The following PTRH1 variants were observed in gnomAD, a reference collection of about 807,000 sequenced individuals.
PTRH1 encodes the protein peptidyl-tRNA hydrolase.
A neutral mutation model predicts 15.7 loss-of-function variants in PTRH1; 13 were observed. The ratio of observed to expected loss-of-function variants is 0.83; its 90% CI spans 0.54 to 1.31. PTRH1 has a LOEUF of 1.31. PTRH1 is among the 40% of genes most tolerant of loss of function. The probability of loss-of-function intolerance (pLI) is 0.00; values close to 1 mark genes in which losing one functional copy is unlikely to be tolerated. For missense variants in PTRH1, 319 were observed against 296.2 expected (o/e 1.08, Z -0.56); for synonymous variants, 139 against 136.7 (o/e 1.02, Z -0.12).
chr9:127,715,139 G>A lies in PTRH1; in HGVS notation c.152C>T (p.Ala51Val), dbSNP rs1030673291. Residue 51 changes from alanine to valine, a missense_variant, in exon 2 of 5, where the codon GCG becomes GTG. Physicochemically the swap from Ala to Val is moderately conservative, Grantham distance 64. Transcript: ENST00000543175. The surrounding 1 kb of genome is among the most constrained non-coding windows in gnomAD (Gnocchi z 5.8). ...CCGCCGCGCCAGCTGCCCCAGCACC[G>A]CCATGCCCACGCTGTGTCGCGTGCC... ...LPGTRHSVGM[A>V]VLGQLARRLG... is the part of the protein sequence containing the mutation. 4.6e-6 allele frequency: 7 copies of A among 1,537,394 alleles called. No individual in the cohort carries two copies. Among genetic ancestry groups the A allele is most frequent in the Admixed American group, 1.9e-5 (1 of 51,784 alleles).
chr9:127,702,113 C>T (rs1359532667), intron 1 of PTRH1, among the ~76,000 whole-genome samples: 1 of 151,962 alleles, frequency 6.6e-6, no homozygotes, highest in East Asian at 1.9e-4. Flanking sequence ...GTGGCTCATG[C>T]CTGTAATCCC....
intron 2 of PTRH1, chr9:127,694,792 T>G: frequency 3.4e-6 from 2 of 588,396 alleles, no homozygotes; most frequent in Non-Finnish European, 6.1e-6. Context: ...TTGGGTTGTT[T>G]GGAATTCCCT....
chr9:127,712,746 C>T (rs755971447), downstream of PTRH1: 22 of 1,614,188 alleles, frequency 1.4e-5, no homozygotes, highest in Non-Finnish European at 1.7e-5. Flanking sequence ...GTTGACGTGA[C>T]GTTCCAGCCA....
At chr9:127,712,075 C>A, downstream of PTRH1, 1 of 1,506,068 alleles carries the variant, frequency 6.6e-7, no homozygotes, top group South Asian at 1.3e-5. Context: ...GCCAGACAGG[C>A]TGAGGCTTGG....
exon 2 of PTRH1, chr9:127,695,060 T>TGAC: frequency 4.6e-6 from 3 of 647,066 alleles, no homozygotes; most frequent in Non-Finnish European, 8.6e-6. Context: ...CCATTGATGA[T>TGAC]GATGATGATG....
chr9:127,710,848 G>A (rs1016167511), downstream of PTRH1: 2 of 1,405,952 alleles, frequency 1.4e-6, no homozygotes, highest in African/African-American at 1.4e-5. Context: ...TAACTGGGGG[G>A]TTAGATGGGG....
chr9:127,712,236 C>G (rs1842782796), downstream of PTRH1: 2 of 1,614,030 alleles, frequency 1.2e-6, no homozygotes, highest in South Asian at 2.2e-5. Flanking sequence ...GCTGGAGCAG[C>G]AGCAGGTGGA....
At chr9:127,694,334 T>C (rs1461895165) in intron 2 of PTRH1, among the ~76,000 whole-genome samples, 1 of 152,162 alleles carries the variant, frequency 6.6e-6, no homozygotes, top group African/African-American at 2.4e-5. Context: ...CAAATTTACA[T>C]TAAAGCAAAA....
downstream of PTRH1, chr9:127,711,195 G>A (rs771099725): frequency 3.7e-6 from 6 of 1,606,344 alleles, no homozygotes; most frequent in South Asian, 1.1e-5. Context: ...TGCCCGCTCT[G>A]TCTGACCCCT....
chr9:127,715,649 A>AT lies in PTRH1; in HGVS notation c.-11dup. 1 of 1,609,986 alleles carries AT rather than the reference A, an allele frequency of 6.2e-7. No homozygotes were observed. Among genetic ancestry groups the AT allele is most frequent in the Non-Finnish European group, 8.5e-7 (1 of 1,179,380 alleles). On this transcript the variant is annotated 5_prime_UTR_variant, in exon 1 of 5. The change creates a new upstream start codon in the 5' untranslated region. Transcript: ENST00000543175. This position sits in a 1 kb window ranked among gnomAD's most constrained non-coding sequence, Gnocchi z 5.8. ...AGCCGCCCGGCCTCATGCTGCCCCC[A>AT]TTCACTCCGACACCGCCCCCTGACG...
chr9:127,713,238 G>A (rs1842810623), downstream of PTRH1: 2 of 1,487,520 alleles, frequency 1.3e-6, no homozygotes, highest in Non-Finnish European at 1.8e-6. Context: ...GGGAAAGCAA[G>A]GTGGCAGCTA....
At chr9:127,712,529 C>A, downstream of PTRH1, 1 of 1,497,470 alleles carries the variant, frequency 6.7e-7, no homozygotes, top group Non-Finnish European at 9.0e-7. Flanking sequence ...CTTAAAGGAG[C>A]TGGATTCCTT....
intron 1 of PTRH1, among the ~76,000 whole-genome samples, chr9:127,696,689 G>A (rs983291789): frequency 6.6e-6 from 1 of 151,944 alleles, no homozygotes; most frequent in Non-Finnish European, 1.5e-5. Context: ...GTGAAACCCC[G>A]TCTCTACTAA....
At chr9:127,710,030 TAGG>T (rs1842727502), downstream of PTRH1, among the ~76,000 whole-genome samples, 1 of 152,156 alleles carries the variant, frequency 6.6e-6, no homozygotes, top group African/African-American at 2.4e-5. Flanking sequence ...CCCTGTGCTT[TAGG>T]AGGCCAAGGC....
At chr9:127,707,253 C>G in intron 1 of PTRH1, 1 of 1,573,964 alleles carries the variant, frequency 6.4e-7, no homozygotes, top group East Asian at 2.2e-5. Context: ...CCCAGGTGGC[C>G]CCCATGCAGG....
At chr9:127,709,603 GAGA>G, downstream of PTRH1, 1 of 1,614,022 alleles carries the variant, frequency 6.2e-7, no homozygotes, top group Non-Finnish European at 8.5e-7. The surrounding 1 kb of genome is among the most constrained non-coding windows in gnomAD (Gnocchi z 4.7). Flanking sequence ...CAAAGAGATG[GAGA>G]AGGATGCCTT....
upstream of PTRH1, chr9:127,715,669 C>T (rs1842959943): frequency 6.2e-7 from 1 of 1,603,438 alleles, no homozygotes; most frequent in Non-Finnish European, 8.5e-7. This position sits in a 1 kb window ranked among gnomAD's most constrained non-coding sequence, Gnocchi z 5.8. Flanking sequence ...ACACCGCCCC[C>T]TGACGTCATC....
downstream of PTRH1, chr9:127,711,244 C>A (rs755719395): frequency 1.9e-6 from 3 of 1,613,868 alleles, no homozygotes; most frequent in Non-Finnish European, 2.5e-6. Flanking sequence ...GGAAAGAGAT[C>A]ATCCAGCGCG....
At chr9:127,702,984 G>A (rs1046631045) in intron 1 of PTRH1, among the ~76,000 whole-genome samples, 3 of 150,964 alleles carry the variant, frequency 2.0e-5, no homozygotes, top group African/African-American at 4.9e-5. Flanking sequence ...GCCTCCCAAA[G>A]TGCTGGGATT....
Sources: allele counts gnomAD v4.1 joint callset (sites outside exome capture counted in the v4.1 genomes callset), GRCh38; gene constraint gnomAD v4.1.1; non-coding constraint Gnocchi (gnomAD v3.1); transcripts MANE v1.5; gene names NCBI Gene and HGNC (gene_info 2026-07-23, HGNC 2026-07-21).